The following IFNW1 variants were observed in gnomAD, a reference collection of about 807,000 sequenced individuals.
The protein encoded by IFNW1 is interferon omega-1.
For missense variants in IFNW1, 293 were observed against 227.7 expected (o/e 1.29, Z -1.84); for synonymous variants, 105 against 88.0 (o/e 1.19, Z -1.08).
At position 21,140,863 on chromosome 9, in the gene IFNW1, C is replaced by T. The variant is rs1587880144; in HGVS notation, c.*120G>A. The T allele has an allele frequency of 1.4e-6, 1 of 699,344 alleles. No individual in the cohort carries two copies. Among genetic ancestry groups the T allele is most frequent in the South Asian group, 1.9e-5 (1 of 52,206 alleles). 43.3% of individuals were successfully genotyped at this position (699,344 alleles called of 1,614,324 possible). On this transcript the variant is annotated 3_prime_UTR_variant, in exon 1 of 1. Coordinates refer to ENST00000380229, the MANE Select transcript of IFNW1 (RefSeq NM_002177.3). ...AACATATACTGGCTTAATATACCGA[C>T]AAAGTATTTGCAGAACTAATTCAGT...
In IFNW1 at chr9:21,141,684, T is replaced by C. The variant is rs1819404051; in HGVS notation, c.-114A>G. 1.9e-5 allele frequency: 12 copies of C among 621,368 alleles called. No homozygotes were observed. The highest frequency in any genetic ancestry group is 2.8e-4 in the Middle Eastern group (1 of 3,636). 38.5% of individuals were successfully genotyped at this position (621,368 alleles called of 1,614,324 possible). A position where few individuals can be genotyped will look rare whatever the true frequency, so the allele number is the denominator to read the frequency against. The stretch of plus-strand genomic sequence containing the variant: ...TGGCTTTTAATAGGAAACACATGGT[T>C]TTCATTTTCTGAACATTTCTCTGTA... On this transcript the variant is annotated 5_prime_UTR_variant, in exon 1 of 1. Transcript: ENST00000380229.
In IFNW1 at chr9:21,140,756, A is replaced by G. The variant is rs1222192511; in HGVS notation, c.*227T>C. On this transcript the variant is annotated 3_prime_UTR_variant, in exon 1 of 1. Coordinates refer to ENST00000380229, the MANE Select transcript of IFNW1 (RefSeq NM_002177.3). ...TTATATAAGAATATAAATAGTATAA[A>G]TATGATAAAATGTAAGAATAAATAA... is the stretch of plus-strand genomic sequence containing the variant. 1.1e-5 allele frequency: 4 copies of G among 360,076 alleles called. No homozygotes were observed. In the Admixed American group the frequency reaches 1.3e-4, roughly 11 times the overall value. 22.3% of individuals were successfully genotyped at this position (360,076 alleles called of 1,614,324 possible).
chr9:21,141,119 C>G lies in IFNW1; in HGVS notation c.452G>C (p.Arg151Pro). 1.2e-6 allele frequency: 2 copies of G among 1,614,142 alleles called. No individual in the cohort carries two copies. Among genetic ancestry groups the G allele is most frequent in the Non-Finnish European group, 1.7e-6 (2 of 1,179,990 alleles). ...GTATTTCTTCTCTTTCAGGTAGACA[C>G]GGATTCCCTGGAAGTACCTCCTCAA... ...LTLRRYFQGI[R>P]VYLKEKKYSD... The change falls in exon 1 of 1, where the codon CGT (arginine) becomes CCT (proline). Residue 151 changes from arginine to proline, a missense_variant. Transcript: ENST00000380229.
At position 21,140,907 on chromosome 9, in the gene IFNW1, C is replaced by G. The variant is rs756860906; in HGVS notation, c.*76G>C. 13 of 1,035,576 alleles carry G rather than the reference C, an allele frequency of 1.3e-5. No homozygotes were observed. The East Asian group carries it at 3.1e-4, about 25-fold the overall frequency. 64.1% of individuals were successfully genotyped at this position (1,035,576 alleles called of 1,614,324 possible). A position where few individuals can be genotyped will look rare whatever the true frequency, so the allele number is the denominator to read the frequency against. On this transcript the variant is annotated 3_prime_UTR_variant, in exon 1 of 1. Coordinates refer to ENST00000380229, the MANE Select transcript of IFNW1 (RefSeq NM_002177.3). The stretch of plus-strand genomic sequence containing the variant: ...ATTCAGTCAATTCTGTGATTAAAGC[C>G]GAAATAAGAGTCTTTTGAATTGACC...
rs1324487561 is a variant in IFNW1 at position 21,141,697 on chromosome 9, A to G, written c.-127T>C. The G allele has an allele frequency of 8.7e-6, 5 of 577,486 alleles. No homozygotes were observed. Among genetic ancestry groups the G allele is most frequent in the African/African-American group, 1.9e-5 (1 of 52,430 alleles). The allele number at this position is 577,486 out of a possible 1,614,324, so 35.8% of individuals were successfully genotyped here. On this transcript the variant is annotated 5_prime_UTR_variant, in exon 1 of 1. Transcript: ENST00000380229. ...GAAACACATGGTTTTCATTTTCTGA[A>G]CATTTCTCTGTACTTTCAGTTTCTT...
rs1819396912 is a variant in IFNW1, at chr9:21,141,361, C to G, written c.210G>C (p.Gln70His). The G allele has an allele frequency of 6.2e-7, 1 of 1,613,614 alleles. No homozygotes were observed. The highest frequency in any genetic ancestry group is 1.3e-5 in the African/African-American group (1 of 74,912). ...RFPQEMVKGSQLQKAHVMSVL... is the reference protein window; with the variant it reads ...RFPQEMVKGSHLQKAHVMSVL... ...CAGACATGACATGGGCCTTCTGCAA[C>G]TGGCTCCCTTTTACCATCTCCTGGG... The change falls in exon 1 of 1, where the codon CAG (glutamine) becomes CAC (histidine). Residue 70 changes from glutamine to histidine, a missense_variant. Transcript: ENST00000380229.
At position 21,141,316 on chromosome 9, in the gene IFNW1, C is replaced by T; in HGVS notation, c.255G>A (p.Gln85=). ...HVMSVLHEML[Q]QIFSLFHTER... ...CTGTGTGGAAGAGGCTGAAGATCTGCTGCAGCATCTCATGGAGGACAGACA... is the reference window on the plus strand; with the variant it reads ...CTGTGTGGAAGAGGCTGAAGATCTGTTGCAGCATCTCATGGAGGACAGACA... Residue 85 remains glutamine, a synonymous_variant, in exon 1 of 1, where the codon CAG becomes CAA. Transcript: ENST00000380229. 6.2e-7 allele frequency: 1 copy of T among 1,614,080 alleles called. No individual in the cohort carries two copies. Among genetic ancestry groups the T allele is most frequent in the East Asian group, 2.2e-5 (1 of 44,888 alleles).
At chr9:21,141,180 C>A in the IFNW1 span, 1 of 1,614,178 alleles carries the variant, frequency 6.2e-7, no homozygotes, top group African/African-American at 1.3e-5. Flanking sequence ...CCAGCAGATT[C>A]TCCTTCTCCC....
chr9:21,140,915 G>A lies in IFNW1; in HGVS notation c.*68C>T. On this transcript the variant is annotated 3_prime_UTR_variant, in exon 1 of 1. Transcript: ENST00000380229. ...AATTCTGTGATTAAAGCCGAAATAA[G>A]AGTCTTTTGAATTGACCAGAGTCAC... The A allele has an allele frequency of 9.3e-7, 1 of 1,079,744 alleles. No homozygotes were observed. The highest frequency in any genetic ancestry group is 1.5e-5 in the South Asian group (1 of 65,494). 66.9% of individuals were successfully genotyped at this position (1,079,744 alleles called of 1,614,324 possible). A position where few individuals can be genotyped will look rare whatever the true frequency, so the allele number is the denominator to read the frequency against.
rs140289062 is a variant in IFNW1 at position 21,141,502 on chromosome 9, G to A, written c.69C>T (p.Gly23=). 78 of 1,613,630 alleles carry A rather than the reference G, an allele frequency of 4.8e-5. No individual in the cohort carries two copies. The African/African-American group carries it at 8.9e-4, about 18-fold the overall frequency. The change falls in exon 1 of 1, where the codon GGC becomes GGT. Residue 23 remains glycine, a synonymous_variant. Transcript: ENST00000380229. ...MTSYSPVGSL[G]CDLPQNHGLL... ...GGCCATGGTTCTGAGGCAGATCACA[G>A]CCCAGAGATCCAACAGGGCTATAGC... is the stretch of plus-strand genomic sequence containing the variant.
chr9:21,141,594 T>C lies in IFNW1; in HGVS notation c.-24A>G, dbSNP rs763284772. On this transcript the variant is annotated 5_prime_UTR_variant, in exon 1 of 1. Coordinates refer to ENST00000380229, the MANE Select transcript of IFNW1 (RefSeq NM_002177.3). ...ATTGGGAAATGAGGATGCTCCTGGC[T>C]TTACTGAGCTGGGATATGGCTTAAC... 2.4e-5 allele frequency: 36 copies of C among 1,499,192 alleles called. No homozygotes were observed. The Admixed American group carries it at 7.0e-4, about 29-fold the overall frequency. 92.9% of individuals were successfully genotyped at this position (1,499,192 alleles called of 1,614,324 possible).
In IFNW1 at chr9:21,141,466, C is replaced by G; in HGVS notation, c.105G>C (p.Arg35Ser). Residue 35 changes from arginine (R) to serine (S), a missense_variant, in exon 1 of 1, where the codon AGG (arginine) becomes AGC (serine). Coordinates refer to ENST00000380229, the MANE Select transcript of IFNW1 (RefSeq NM_002177.3). The part of the protein sequence containing the change: ...DLPQNHGLLS[R>S]NTLVLLHQMR... Reference sequence around the variant, plus strand: ...TTTGGTGCAGAAGCACCAAGGTGTTCCTGCTAAGTAGGCCATGGTTCTGAG... The same window carrying G: ...TTTGGTGCAGAAGCACCAAGGTGTTGCTGCTAAGTAGGCCATGGTTCTGAG... 2 of 1,613,884 alleles carry G rather than the reference C, an allele frequency of 1.2e-6. No individual in the cohort carries two copies. Among genetic ancestry groups the G allele is most frequent in the Non-Finnish European group, 1.7e-6 (2 of 1,179,820 alleles).
Position 21,141,146 on chromosome 9 carries a change from G to T in IFNW1, c.425C>A (p.Thr142Asn), listed in dbSNP as rs1314456373. The T allele has an allele frequency of 6.2e-7, 1 of 1,614,146 alleles. No individual in the cohort carries two copies. The highest frequency in any genetic ancestry group is 1.3e-5 in the African/African-American group (1 of 75,024). ...GATTCCCTGGAAGTACCTCCTCAAG[G>T]TCAGTGCAGGGCTGCTAATTGCCCC... ...SAGAISSPAL[T>N]LRRYFQGIRV... The change falls in exon 1 of 1, where the codon ACC becomes AAC. Residue 142 changes from threonine to asparagine, a missense_variant. Transcript: ENST00000380229.
rs1249609557 is a variant in IFNW1, at chr9:21,140,949, G to C, written c.*34C>G. ...GAATTGACCAGAGTCACATGTGCAA[G>C]TGTTATATGGCAAATTAATCAATGA... On this transcript the variant is annotated 3_prime_UTR_variant, in exon 1 of 1. Coordinates refer to ENST00000380229, the MANE Select transcript of IFNW1 (RefSeq NM_002177.3). The C allele has an allele frequency of 1.4e-6, 2 of 1,445,894 alleles. No individual in the cohort carries two copies. The highest frequency in any genetic ancestry group is 2.8e-5 in the African/African-American group (2 of 71,100). The allele number at this position is 1,445,894 out of a possible 1,614,324, so 89.6% of individuals were successfully genotyped here. A position where few individuals can be genotyped will look rare whatever the true frequency, so the allele number is the denominator to read the frequency against.
rs764726161 is a variant in IFNW1, at chr9:21,141,103, C to T, written c.468G>A (p.Glu156=). The change falls in exon 1 of 1, where the codon GAG becomes GAA. Residue 156 remains glutamate (E), a synonymous_variant. Coordinates refer to ENST00000380229, the MANE Select transcript of IFNW1 (RefSeq NM_002177.3). The stretch of plus-strand genomic sequence containing the variant: ...CCCAGGCACAGTCGCTGTATTTCTT[C>T]TCTTTCAGGTAGACACGGATTCCCT... The part of the protein sequence containing the change: ...YFQGIRVYLK[E]KKYSDCAWEV... 6.2e-7 allele frequency: 1 copy of T among 1,613,086 alleles called. No homozygotes were observed. Among genetic ancestry groups the T allele is most frequent in the Non-Finnish European group, 8.5e-7 (1 of 1,179,556 alleles).
chr9:21,141,222 G>A, the IFNW1 span: 10 of 1,614,036 alleles, frequency 6.2e-6, no homozygotes, highest in Non-Finnish European at 4.2e-6. Flanking sequence ...TCCAGGTGTT[G>A]CAGTTGCTGA....
In IFNW1 at chr9:21,141,798, CA is replaced by C; in HGVS notation, c.-229del. ...AATCTATTAATTTTGCATTAGACTTCAGCTAAACTCCAGTAAACTTCAGCTG... is the reference window on the plus strand; with the variant it reads ...AATCTATTAATTTTGCATTAGACTTCGCTAAACTCCAGTAAACTTCAGCTG... On this transcript the variant is annotated 5_prime_UTR_variant, in exon 1 of 1. Coordinates refer to ENST00000380229, the MANE Select transcript of IFNW1 (RefSeq NM_002177.3). 1 of 331,662 alleles carries C rather than the reference CA, an allele frequency of 3.0e-6. No individual in the cohort carries two copies. The highest frequency in any genetic ancestry group is 5.8e-6 in the Non-Finnish European group (1 of 173,496). The allele number at this position is 331,662 out of a possible 1,614,324, so 20.5% of individuals were successfully genotyped here.
Position 21,140,967 on chromosome 9 carries a change from ATCAATGAGAAT to A in IFNW1, c.*5_*15del. On this transcript the variant is annotated 3_prime_UTR_variant, in exon 1 of 1. Coordinates refer to ENST00000380229, the MANE Select transcript of IFNW1 (RefSeq NM_002177.3). ...TGTGCAAGTGTTATATGGCAAATTA[ATCAATGAGAAT>A]CATTTCAAGATGAGCCCAGGTCTCT... is the stretch of plus-strand genomic sequence containing the variant. 1.3e-6 allele frequency: 2 copies of A among 1,558,378 alleles called. No individual in the cohort carries two copies. The highest frequency in any genetic ancestry group is 1.8e-6 in the Non-Finnish European group (2 of 1,139,440).
Position 21,140,719 on chromosome 9 carries a change from G to T in IFNW1, c.*264C>A, listed in dbSNP as rs1175142119. ...TTTTGTTATCTTAATACAATGTAAAGGCAAACATTTGTTATATAAGAATAT... is the reference window on the plus strand; with the variant it reads ...TTTTGTTATCTTAATACAATGTAAATGCAAACATTTGTTATATAAGAATAT... On this transcript the variant is annotated 3_prime_UTR_variant, in exon 1 of 1. Coordinates refer to ENST00000380229, the MANE Select transcript of IFNW1 (RefSeq NM_002177.3). The T allele has an allele frequency of 8.6e-6, 2 of 232,180 alleles. No homozygotes were observed. Among genetic ancestry groups the T allele is most frequent in the African/African-American group, 4.5e-5 (2 of 44,240 alleles). 14.4% of individuals were successfully genotyped at this position (232,180 alleles called of 1,614,324 possible).
Sources: allele counts gnomAD v4.1 joint callset, GRCh38; gene constraint gnomAD v4.1.1; transcripts MANE v1.5; gene names NCBI Gene and HGNC (gene_info 2026-07-23, HGNC 2026-07-21).